The following CYP4X1 variants were observed in gnomAD, a reference collection of about 807,000 sequenced individuals.
CYP4X1 encodes cytochrome P450 family 4 subfamily X member 1, also known as cytochrome P450 4X1.
A neutral mutation model predicts 57.9 loss-of-function variants in CYP4X1; 44 were observed. That is an observed-to-expected ratio of 0.76 (90% confidence interval 0.60 to 0.98). The LOEUF is 0.98. CYP4X1 is among the 50% of genes least tolerant of loss of function. CYP4X1 has a pLI of 0.00. For missense variants in CYP4X1, 532 were observed against 623.9 expected (o/e 0.85, Z 1.57); for synonymous variants, 227 against 228.6 (o/e 0.99, Z 0.06).
chr1:46,995,093 G>C, the CYP4X1 span, among the ~76,000 whole-genome samples: 2 of 152,130 alleles, frequency 1.3e-5, no homozygotes, highest in South Asian at 4.1e-4. Flanking sequence ...CCAAGGTGAT[G>C]GTGCTGGTGG....
downstream of CYP4X1, among the ~76,000 whole-genome samples, chr1:47,053,773 T>G (rs920755279): frequency 6.6e-6 from 1 of 152,242 alleles, no homozygotes; most frequent in African/African-American, 2.4e-5. Context: ...TTGTTTGTTT[T>G]TTTCTTGTAA....
upstream of CYP4X1, among the ~76,000 whole-genome samples, chr1:47,020,359 C>A (rs1643982894): frequency 6.6e-6 from 1 of 152,194 alleles, no homozygotes; most frequent in Non-Finnish European, 1.5e-5. Flanking sequence ...GATCACTTCT[C>A]AATAAATATT....
At chr1:47,028,815 A>G (rs950240003) in intron 1 of CYP4X1, among the ~76,000 whole-genome samples, 1 of 152,218 alleles carries the variant, frequency 6.6e-6, no homozygotes, top group African/African-American at 2.4e-5. Context: ...GTGATAGACA[A>G]TAAATACTTG....
At chr1:47,055,345 AT>A (rs1644387368), downstream of CYP4X1, among the ~76,000 whole-genome samples, 1 of 152,130 alleles carries the variant, frequency 6.6e-6, no homozygotes, top group East Asian at 1.9e-4. Flanking sequence ...GAATTTTTGC[AT>A]TGATGATCAT....
chr1:47,042,975 T>C (rs545577142), intron 8 of CYP4X1, among the ~76,000 whole-genome samples: 15 of 152,208 alleles, frequency 9.9e-5, no homozygotes, highest in Non-Finnish European at 1.9e-4. Context: ...AGATACCCTG[T>C]AGTGGGATTG....
the CYP4X1 span, among the ~76,000 whole-genome samples, chr1:46,963,253 A>G: frequency 6.6e-6 from 1 of 152,134 alleles, no homozygotes; most frequent in African/African-American, 2.4e-5. Flanking sequence ...GCCCATTTAC[A>G]TTTAAGGTTA....
chr1:47,044,674 G>A (rs1220349881), intron 8 of CYP4X1, among the ~76,000 whole-genome samples: 1 of 152,084 alleles, frequency 6.6e-6, no homozygotes, highest in African/African-American at 2.4e-5. Context: ...TTTGTAAGAT[G>A]GGTCTAGTAG....
At chr1:46,979,092 A>C in the CYP4X1 span, among the ~76,000 whole-genome samples, 2 of 152,212 alleles carry the variant, frequency 1.3e-5, no homozygotes, top group Admixed American at 6.5e-5. Flanking sequence ...AAACACATTC[A>C]AAAGCTAGCA....
the CYP4X1 span, among the ~76,000 whole-genome samples, chr1:46,991,542 T>A: frequency 6.6e-6 from 1 of 152,346 alleles, no homozygotes; most frequent in African/African-American, 2.4e-5. Context: ...TGTTTGATTA[T>A]CATCCATGGA....
At chr1:46,970,438 C>T in the CYP4X1 span, among the ~76,000 whole-genome samples, 8 of 152,304 alleles carry the variant, frequency 5.3e-5, no homozygotes, top group East Asian at 7.7e-4. Flanking sequence ...GAAGATGCCA[C>T]GTATGAACAT....
At chr1:47,048,056 A>C (rs531891598) in intron 9 of CYP4X1, among the ~76,000 whole-genome samples, 2 of 149,312 alleles carry the variant, frequency 1.3e-5, no homozygotes, top group South Asian at 4.5e-4. Flanking sequence ...TAGCCTGGGC[A>C]ACATAGGGAG....
At chr1:46,989,563 A>G in the CYP4X1 span, among the ~76,000 whole-genome samples, 1 of 152,224 alleles carries the variant, frequency 6.6e-6, no homozygotes, top group Non-Finnish European at 1.5e-5. Flanking sequence ...TAAATTTCAT[A>G]TGGAACCAAA....
chr1:47,038,101 T>C (rs1031484656), intron 6 of CYP4X1, among the ~76,000 whole-genome samples: 1 of 152,188 alleles, frequency 6.6e-6, no homozygotes, highest in Non-Finnish European at 1.5e-5. Flanking sequence ...TAATAGACCT[T>C]ATTTTTAGAA....
chr1:47,003,000 C>T, the CYP4X1 span: 8 of 152,126 alleles, frequency 5.3e-5, no homozygotes, highest in African/African-American at 1.9e-4. Context: ...ACTTGATCTC[C>T]CTAGAATCAC....
chr1:46,995,223 T>C, the CYP4X1 span, among the ~76,000 whole-genome samples: 1 of 152,190 alleles, frequency 6.6e-6, no homozygotes, highest in Non-Finnish European at 1.5e-5. Context: ...ATAATCTTTA[T>C]GCTACGTACC....
rs1375428867 is a variant in CYP4X1 at position 47,048,583 on chromosome 1, G to A, written c.1226G>A (p.Ser409Asn). The change falls in exon 10 of 12, where the codon AGT becomes AAT. Residue 409 changes from serine (S) to asparagine (N), a missense_variant. Coordinates refer to ENST00000371901, the MANE Select transcript of CYP4X1 (RefSeq NM_178033.2). ...TLPAGITVVL[S>N]IWGLHHNPAV... The stretch of plus-strand genomic sequence containing the variant: ...TTCTTAGGGATCACCGTGGTTCTTA[G>A]TATTTGGGGTCTTCACCACAACCCT... 6.2e-7 allele frequency: 1 copy of A among 1,614,118 alleles called. No individual in the cohort carries two copies. Among genetic ancestry groups the A allele is most frequent in the African/African-American group, 1.3e-5 (1 of 75,030 alleles).
the CYP4X1 span, among the ~76,000 whole-genome samples, chr1:46,974,875 T>A: frequency 6.6e-6 from 1 of 152,140 alleles, no homozygotes; most frequent in African/African-American, 2.4e-5. Flanking sequence ...GAGTCTTGCT[T>A]TTTAAATTTT....
chr1:46,977,794 A>T, the CYP4X1 span, among the ~76,000 whole-genome samples: 1 of 152,122 alleles, frequency 6.6e-6, no homozygotes, highest in Non-Finnish European at 1.5e-5. Context: ...AAACTCTACA[A>T]GCCAGGAAAG....
chr1:46,963,420 C>T, the CYP4X1 span, among the ~76,000 whole-genome samples: 1 of 150,504 alleles, frequency 6.6e-6, no homozygotes, highest in African/African-American at 2.4e-5. Flanking sequence ...TTTAGTGCTT[C>T]CTTCAGGAGC....
Sources: gnomAD v4.1 joint callset for allele counts (sites outside exome capture counted in the v4.1 genomes callset) on GRCh38, gnomAD v4.1.1 for gene constraint, MANE v1.5 for transcripts, NCBI Gene and HGNC (gene_info 2026-07-23, HGNC 2026-07-21) for gene names.